RBM33: variants seen among roughly 807,000 people sequenced by gnomAD.
RBM33 encodes the protein RNA binding motif protein 33.
Under a neutral mutation model 132.6 loss-of-function variants are expected in RBM33, and 28 were observed. That is an observed-to-expected ratio of 0.21 (90% CI 0.16 to 0.29). The LOEUF is 0.29. RBM33 is among the 10% of genes least tolerant of loss of function. The pLI, the probability that RBM33 is intolerant of heterozygous loss-of-function variation, is 1.00. For missense variants in RBM33, 1,291 were observed against 1,518.5 expected (o/e 0.85, Z 2.49); for synonymous variants, 634 against 593.0 (o/e 1.07, Z -1.01).
Position 155,780,615 on chromosome 7 carries a change from A to G in RBM33, c.*5574A>G, listed in dbSNP as rs190074260. ...TAGCTCCTGTCCCATTCCAAGACTCACTCTCTCAGACCTTCCCATCTCCCT... is the reference window on the plus strand; with the variant it reads ...TAGCTCCTGTCCCATTCCAAGACTCGCTCTCTCAGACCTTCCCATCTCCCT... On this transcript the variant is annotated 3_prime_UTR_variant, in exon 18 of 18. Transcript: ENST00000401878. The G allele has an allele frequency of 3.4e-4, 52 of 151,610 alleles. No individual in the cohort carries two copies. The highest frequency in any genetic ancestry group is 5.3e-4 in the Non-Finnish European group (36 of 67,992). 9.4% of individuals were successfully genotyped at this position (151,610 alleles called of 1,614,324 possible). A position where few individuals can be genotyped will look rare whatever the true frequency, so the allele number is the denominator to read the frequency against.
chr7:155,718,421 C>T lies in RBM33; in HGVS notation c.1238C>T (p.Ala413Val), dbSNP rs995173398. 1 of 1,613,810 alleles carries T rather than the reference C, an allele frequency of 6.2e-7. No individual in the cohort carries two copies. Among genetic ancestry groups the T allele is most frequent in the Non-Finnish European group, 8.5e-7 (1 of 1,179,822 alleles). The change falls in exon 9 of 18, where the codon GCC (alanine) becomes GTC (valine). Residue 413 changes from alanine to valine, a missense_variant. This residue lies in a region of RBM33 where 841 missense variants were observed against 912.0 expected (regional missense o/e 0.92). Coordinates refer to ENST00000401878, the MANE Select transcript of RBM33 (RefSeq NM_053043.3). ...CCAGTTCCGAGCCAGCCGAGACCTG[C>T]CGTGGGACCCCAGAGATTCCCAGTG... ...LLPVPSQPRP[A>V]VGPQRFPGPP...
chr7:155,718,762 G>T (rs1046734370), intron 9 of RBM33, among the ~76,000 whole-genome samples: 24 of 152,056 alleles, frequency 1.6e-4, no homozygotes, highest in Admixed American at 1.3e-3. Flanking sequence ...AGAGAGGTGG[G>T]GGGTGTATGT....
At chr7:155,689,072 G>T (rs1799558000) in intron 5 of RBM33, among the ~76,000 whole-genome samples, 1 of 152,232 alleles carries the variant, frequency 6.6e-6, no homozygotes, top group East Asian at 1.9e-4. Flanking sequence ...TGTACCTCTG[G>T]TAGAATTCGG....
rs149279276 is a variant in RBM33 at position 155,670,399 on chromosome 7, T to G, written c.123-2468T>G. On this transcript the variant is annotated intron_variant, in intron 2 of 17. Coordinates refer to ENST00000401878, the MANE Select transcript of RBM33 (RefSeq NM_053043.3). ...CATTTCCATTAGTTCATTGTTGTTT[T>G]TGCCAAGAGTGGATGTAGTTTTACA... Among the ~76,000 whole-genome samples, 207 of 152,354 alleles carry G rather than the reference T, an allele frequency of 1.4e-3. 2 individuals carry two copies. The highest frequency in any genetic ancestry group is 4.9e-3 in the African/African-American group (202 of 41,582).
At chr7:155,755,010 A>G (rs1283352547) in intron 14 of RBM33, among the ~76,000 whole-genome samples, 2 of 151,920 alleles carry the variant, frequency 1.3e-5, no homozygotes, top group Non-Finnish European at 2.9e-5. Flanking sequence ...ATTTTCTTTT[A>G]CCCCCTCTTC....
intron 5 of RBM33, among the ~76,000 whole-genome samples, chr7:155,681,415 C>T (rs1025652841): frequency 6.6e-6 from 1 of 151,348 alleles, no homozygotes; most frequent in Admixed American, 6.6e-5. Flanking sequence ...ACATATAATT[C>T]GTTATCTATA....
intron 5 of RBM33, among the ~76,000 whole-genome samples, chr7:155,698,778 C>A (rs1044355222): frequency 6.6e-6 from 1 of 152,172 alleles, no homozygotes; most frequent in Admixed American, 6.5e-5. Flanking sequence ...CAGTGTATAA[C>A]CCTTTGAGAT....
chr7:155,772,337 C>G (rs78043997), intron 16 of RBM33, among the ~76,000 whole-genome samples: 3,346 of 152,238 alleles, frequency 0.022, 131 homozygotes, highest in African/African-American at 0.076. Flanking sequence ...GACACTCACT[C>G]CACACAGCCC....
chr7:155,780,786 C>A lies in RBM33; in HGVS notation c.*5745C>A, dbSNP rs963303095. 51 of 152,606 alleles carry A rather than the reference C, an allele frequency of 3.3e-4. No individual in the cohort carries two copies. The highest frequency in any genetic ancestry group is 1.2e-3 in the African/African-American group (49 of 41,556). 9.5% of individuals were successfully genotyped at this position (152,606 alleles called of 1,614,324 possible). On this transcript the variant is annotated 3_prime_UTR_variant, in exon 18 of 18. Coordinates refer to ENST00000401878, the MANE Select transcript of RBM33 (RefSeq NM_053043.3). ...GATTTTCACACTGTGTTTACCACTC[C>A]ATCACCTCTCAACCTTTGCTTCGAC...
chr7:155,657,891 G>A (rs1018910376), intron 1 of RBM33, among the ~76,000 whole-genome samples: 3 of 152,088 alleles, frequency 2.0e-5, no homozygotes, highest in South Asian at 2.1e-4. Context: ...TTGGCCTAAC[G>A]TGTATCAGGG....
intron 1 of RBM33, among the ~76,000 whole-genome samples, chr7:155,656,081 A>G (rs1173373757): frequency 6.6e-6 from 1 of 152,236 alleles, no homozygotes; most frequent in African/African-American, 2.4e-5. Flanking sequence ...AACAGTGGAC[A>G]TTATTTGTTG....
chr7:155,762,800 C>T (rs901197448), intron 14 of RBM33, among the ~76,000 whole-genome samples: 1 of 152,156 alleles, frequency 6.6e-6, no homozygotes, highest in Non-Finnish European at 1.5e-5. Flanking sequence ...TTTACTATCC[C>T]GTGACTGACA....
chr7:155,721,963 C>A (rs1255309294), intron 9 of RBM33, among the ~76,000 whole-genome samples: 2 of 152,100 alleles, frequency 1.3e-5, no homozygotes, highest in African/African-American at 4.8e-5. Context: ...TGCTTTTGCT[C>A]TTGGTTATGT....
chr7:155,696,691 A>G (rs10949736), intron 5 of RBM33, among the ~76,000 whole-genome samples: 96,899 of 152,016 alleles, frequency 0.64, 31,983 homozygotes, highest in South Asian at 0.77. Flanking sequence ...AATTAAATTA[A>G]CTTAAAAAAA....
chr7:155,737,245 C>CAGGT (rs35173349), intron 9 of RBM33, among the ~76,000 whole-genome samples: 1 of 149,154 alleles, frequency 6.7e-6, no homozygotes, highest in African/African-American at 2.5e-5. Context: ...TCTAGGTGCG[C>CAGGT]GTGTGTGTGT....
At chr7:155,730,180 G>T (rs890497004) in intron 9 of RBM33, among the ~76,000 whole-genome samples, 1 of 152,176 alleles carries the variant, frequency 6.6e-6, no homozygotes, top group African/African-American at 2.4e-5. Flanking sequence ...TCACGGACCC[G>T]GCAGTTGAAG....
At chr7:155,763,071 C>T (rs537492257) in intron 14 of RBM33, among the ~76,000 whole-genome samples, 2 of 152,308 alleles carry the variant, frequency 1.3e-5, no homozygotes, top group African/African-American at 4.8e-5. Flanking sequence ...GTACGTGCCT[C>T]CTGATCGATG....
intron 5 of RBM33, among the ~76,000 whole-genome samples, chr7:155,684,100 A>G (rs2116928852): frequency 6.6e-6 from 1 of 152,282 alleles, no homozygotes; most frequent in Non-Finnish European, 1.5e-5. Context: ...AATTGTGGGA[A>G]CTAAGGTGGT....
At chr7:155,675,924 A>G (rs1799172608) in intron 3 of RBM33, among the ~76,000 whole-genome samples, 1 of 152,156 alleles carries the variant, frequency 6.6e-6, no homozygotes, top group Admixed American at 6.5e-5. Flanking sequence ...TGTCAGTGTG[A>G]TAGATGAAAA....
Sources: gnomAD v4.1 joint callset for allele counts (sites outside exome capture counted in the v4.1 genomes callset) on GRCh38, gnomAD v4.1.1 for gene constraint, gnomAD v4.1.1 regional missense constraint, MANE v1.5 for transcripts, NCBI Gene and HGNC (gene_info 2026-07-23, HGNC 2026-07-21) for gene names.